The following MATK variants were observed in gnomAD, a reference collection of about 807,000 sequenced individuals.
MATK encodes megakaryocyte-associated tyrosine-protein kinase.
In MATK, 41 loss-of-function variants were observed where a neutral mutation model predicts 59.8. That is an observed-to-expected ratio of 0.69 (90% confidence interval 0.53 to 0.89). MATK has a LOEUF of 0.89. MATK is among the 40% of genes least tolerant of loss of function. The pLI, the probability that MATK is intolerant of heterozygous loss-of-function variation, is 0.00. For missense variants in MATK, 593 were observed against 719.6 expected (o/e 0.82, Z 2.01); for synonymous variants, 308 against 306.1 (o/e 1.01, Z -0.06).
rs1441558571 is a variant in MATK, at chr19:3,786,124, C to T, written c.-152+45G>A. 2.7e-5 allele frequency: 24 copies of T among 893,784 alleles called. No individual in the cohort carries two copies. In the South Asian group the frequency reaches 1.1e-3, roughly 40 times the overall value. The allele number at this position is 893,784 out of a possible 1,614,324, so 55.4% of individuals were successfully genotyped here. A position where few individuals can be genotyped will look rare whatever the true frequency, so the allele number is the denominator to read the frequency against. On this transcript the variant is annotated intron_variant, in intron 1 of 13. Coordinates refer to ENST00000310132, the MANE Select transcript of MATK (RefSeq NM_139355.3). The surrounding 1 kb of genome is among the most constrained non-coding windows in gnomAD (Gnocchi z 4.1). Reference sequence around the variant, plus strand: ...CTAGAGCCCTCGGGGTTTCCCCCCACCCCGGCCTCGGGGTCTCTCCACGTC... The same window carrying T: ...CTAGAGCCCTCGGGGTTTCCCCCCATCCCGGCCTCGGGGTCTCTCCACGTC...
In MATK at chr19:3,777,985, C is replaced by T. The variant is rs560963326; in HGVS notation, c.*198G>A. Reference sequence around the variant, plus strand: ...ACAGGCGCCTAGAGTCCTTAGAATCCGTCTTTATCGGGCGATCATCCTTCG... The same window carrying T: ...ACAGGCGCCTAGAGTCCTTAGAATCTGTCTTTATCGGGCGATCATCCTTCG... On this transcript the variant is annotated 3_prime_UTR_variant, in exon 14 of 14. Coordinates refer to ENST00000310132, the MANE Select transcript of MATK (RefSeq NM_139355.3). The T allele has an allele frequency of 1.9e-5, 13 of 672,018 alleles. No homozygotes were observed. Among genetic ancestry groups the T allele is most frequent in the Middle Eastern group, 4.2e-4 (1 of 2,392 alleles). The allele number at this position is 672,018 out of a possible 1,614,324, so 41.6% of individuals were successfully genotyped here.
rs2037464854 is a variant in MATK, at chr19:3,785,236, A to G, written c.-101T>C. ...CTGCCACAGGCCAGTCGGCTGGCACAGGAGGTAGGGAGCTGGGTGCCACTG... is the reference window on the plus strand; with the variant it reads ...CTGCCACAGGCCAGTCGGCTGGCACGGGAGGTAGGGAGCTGGGTGCCACTG... On this transcript the variant is annotated 5_prime_UTR_variant, in exon 2 of 14. Coordinates refer to ENST00000310132, the MANE Select transcript of MATK (RefSeq NM_139355.3). 6.3e-7 allele frequency: 1 copy of G among 1,584,784 alleles called. No individual in the cohort carries two copies. Among genetic ancestry groups the G allele is most frequent in the South Asian group, 1.1e-5 (1 of 89,326 alleles).
intron 6 of MATK, 102 bp from the exon 7 acceptor site, chr19:3,783,321 G>A (rs1480138418): frequency 2.8e-6 from 2 of 717,288 alleles, no homozygotes; most frequent in Non-Finnish European, 5.0e-6. Context: ...GTGGGACCGG[G>A]GAGGAGGAGA....
intron 13 of MATK, 33 bp downstream of exon 13, chr19:3,778,476 G>A (rs562716949): frequency 4.7e-5 from 76 of 1,613,774 alleles, no homozygotes; most frequent in Middle Eastern, 1.6e-4. Context: ...GGACCTGCCC[G>A]GAACCCAGTG....
chr19:3,779,447 T>C lies in MATK; in HGVS notation c.932A>G (p.Asn311Ser). 1 of 1,613,162 alleles carries C rather than the reference T, an allele frequency of 6.2e-7. No homozygotes were observed. Among genetic ancestry groups the C allele is most frequent in the Non-Finnish European group, 8.5e-7 (1 of 1,179,982 alleles). The change falls in exon 11 of 14, where the codon AAC becomes AGC. Residue 311 changes from asparagine to serine, a missense_variant. Physicochemically the swap from Asn to Ser is conservative, Grantham distance 46 (BLOSUM62 1). Coordinates refer to ENST00000310132, the MANE Select transcript of MATK (RefSeq NM_139355.3). ...CCGGGTCCGCAGAAAGTTCACCAGG[T>C]TGCCCTGTTGGGGGTGGGAGATGGC... Reference protein sequence around the residue: ...YIVMEHVSKGNLVNFLRTRGR... With the variant: ...YIVMEHVSKGSLVNFLRTRGR...
intron 1 of MATK, chr19:3,792,979 A>C (rs1401518038): frequency 6.6e-6 from 1 of 152,212 alleles, no homozygotes; most frequent in Admixed American, 6.6e-5. Context: ...CCAGTTAGCA[A>C]ACCTTTAAAT....
At chr19:3,778,919 G>A in intron 12 of MATK, 73 bp downstream of exon 12, 1 of 1,426,992 alleles carries the variant, frequency 7.0e-7, no homozygotes, top group Admixed American at 2.4e-5. Flanking sequence ...AGAGGCCAAG[G>A]GACATACCCA....
chr19:3,791,848 C>T (rs2037544634), intron 1 of MATK, among the ~76,000 whole-genome samples: 1 of 152,026 alleles, frequency 6.6e-6, no homozygotes, highest in Admixed American at 6.6e-5. Context: ...TGGCTCACAC[C>T]TGTAATCCCA....
rs1401174094 is a variant in MATK at position 3,779,187 on chromosome 19, C to G, written c.1002G>C (p.Leu334=). 1.9e-6 allele frequency: 3 copies of G among 1,583,400 alleles called. No homozygotes were observed. Among genetic ancestry groups the G allele is most frequent in the Non-Finnish European group, 2.6e-6 (3 of 1,164,152 alleles). The change falls in exon 12 of 14, where the codon CTG becomes CTC. Residue 334 remains leucine (L), a splice_region_variant and synonymous_variant. Transcript: ENST00000310132. ...VNTAQLLQFS[L]HVAEGMEYLE... is the part of the protein sequence containing the mutation. ...GGTACTCCATGCCCTCGGCCACGTG[C>G]CTGGGGGTAGTAGGGGGCAGTGGGG...
At chr19:3,799,553 G>A (rs529069626) in intron 1 of MATK, among the ~76,000 whole-genome samples, 1 of 152,244 alleles carries the variant, frequency 6.6e-6, no homozygotes, top group Admixed American at 6.5e-5. Flanking sequence ...AAGAACAGGA[G>A]TTGAGGCCGG....
chr19:3,784,437 C>T lies in MATK; in HGVS notation c.147G>A (p.Pro49=), dbSNP rs764401820. 1.9e-5 allele frequency: 31 copies of T among 1,595,794 alleles called. 2 individuals are homozygous for T. The South Asian group carries it at 2.6e-4, about 13-fold the overall frequency. ...CGCATTTGGTGATACACTGGGTGCC[C>T]GGGGCCCAGCGCCTCTGCAGAGGGG... The part of the protein sequence containing the change: ...SARMPTRRWA[P]GTQCITKCEH... Residue 49 remains proline (P), a synonymous_variant, in exon 4 of 14, where the codon CCG becomes CCA. Coordinates refer to ENST00000310132, the MANE Select transcript of MATK (RefSeq NM_139355.3).
Position 3,783,814 on chromosome 19 carries a change from C to A in MATK, c.582G>T (p.Glu194Asp), listed in dbSNP as rs534302482. The change falls in exon 6 of 14, where the codon GAG becomes GAT. Residue 194 changes from glutamate to aspartate, a missense_variant and splice_region_variant. Physicochemically the swap from Glu to Asp is conservative, Grantham distance 45 (BLOSUM62 2). Transcript: ENST00000310132. ...VFFCNLMDMVEHYSKDKGAIC... is the reference protein window; with the variant it reads ...VFFCNLMDMVDHYSKDKGAIC... ...GGGTGGGGCCTCTGGGTGGCAGCAC[C>A]TCCACCATGTCCATGAGGTTGCAGA... 6.2e-7 allele frequency: 1 copy of A among 1,609,554 alleles called. No homozygotes were observed. Among genetic ancestry groups the A allele is most frequent in the South Asian group, 1.1e-5 (1 of 90,846 alleles).
At chr19:3,789,976 A>G (rs1388000292), upstream of MATK, among the ~76,000 whole-genome samples, 1 of 151,900 alleles carries the variant, frequency 6.6e-6, no homozygotes, top group African/African-American at 2.4e-5. Context: ...ATCTCAGCTC[A>G]CTGCAACCTC....
chr19:3,786,401 G>C, upstream of MATK: 15 of 979,958 alleles, frequency 1.5e-5, no homozygotes, highest in Non-Finnish European at 1.8e-5. This position sits in a 1 kb window ranked among gnomAD's most constrained non-coding sequence, Gnocchi z 4.1. Context: ...TCCGCGCGCC[G>C]CCGCCGCCGC....
intron 8 of MATK, among the ~76,000 whole-genome samples, chr19:3,780,279 C>CA (rs1016974586): frequency 2.3e-4 from 35 of 151,536 alleles, no homozygotes; most frequent in East Asian, 2.1e-3. Context: ...AACTCCATCT[C>CA]AAAAAAAACC....
upstream of MATK, among the ~76,000 whole-genome samples, chr19:3,790,803 C>T (rs62132961): frequency 0.32 from 49,066 of 152,078 alleles, 9,838 homozygotes; most frequent in Non-Finnish European, 0.45. Context: ...CATCCCCATA[C>T]TTCCTAGAGC....
chr19:3,799,282 G>A (rs764203826), intron 1 of MATK, among the ~76,000 whole-genome samples: 2 of 152,072 alleles, frequency 1.3e-5, no homozygotes, highest in African/African-American at 2.4e-5. Flanking sequence ...AGCTTAAGGC[G>A]GTAACATGAG....
chr19:3,794,187 TC>T (rs2037571445), intron 1 of MATK, among the ~76,000 whole-genome samples: 1 of 152,186 alleles, frequency 6.6e-6, no homozygotes, highest in Non-Finnish European at 1.5e-5. Flanking sequence ...AAAGCCGGAA[TC>T]CCCACCTGTT....
chr19:3,798,848 C>T (rs1377969380), intron 1 of MATK, among the ~76,000 whole-genome samples: 1 of 151,664 alleles, frequency 6.6e-6, no homozygotes, highest in African/African-American at 2.4e-5. Flanking sequence ...CTCTGTCGTA[C>T]AGGATGGAGT....
Sources: gnomAD v4.1 joint callset for allele counts (sites outside exome capture counted in the v4.1 genomes callset) on GRCh38, gnomAD v4.1.1 for gene constraint, Gnocchi (gnomAD v3.1) non-coding constraint, MANE v1.5 for transcripts, NCBI Gene and HGNC (gene_info 2026-07-23, HGNC 2026-07-21) for gene names.